DLGAP2: variants seen among roughly 807,000 people sequenced by gnomAD.
DLGAP2 encodes disks large-associated protein 2.
In DLGAP2, 26 loss-of-function variants were observed where a neutral mutation model predicts 100.3. The observed-to-expected ratio is 0.26, with a 90% CI of 0.19 to 0.36. The LOEUF (loss-of-function observed/expected upper bound fraction) is 0.36. Among genes scored for constraint, DLGAP2 ranks in the 10% least tolerant of loss-of-function variants. DLGAP2 has a pLI of 1.00. For missense variants in DLGAP2, 1,858 were observed against 1,453.2 expected, an observed-to-expected ratio of 1.28 and a Z score of -4.53; for synonymous variants, 886 against 630.1, an observed-to-expected ratio of 1.41 and a Z score of -6.08.
intron 2 of DLGAP2, among the ~76,000 whole-genome samples, chr8:1,209,505 C>A (rs1175374721): frequency 6.6e-6 from 1 of 152,162 alleles, no homozygotes; most frequent in Non-Finnish European, 1.5e-5. Flanking sequence ...GTCAATGTTT[C>A]TTGAGTGAAT....
chr8:1,254,130 G>T (rs1024656005), intron 2 of DLGAP2, among the ~76,000 whole-genome samples: 2 of 152,212 alleles, frequency 1.3e-5, no homozygotes, highest in South Asian at 2.1e-4. Flanking sequence ...CAGTGTGCCT[G>T]TGGGCTCAGC....
At chr8:1,585,048 T>A (rs1168306605) in intron 6 of DLGAP2, among the ~76,000 whole-genome samples, 1 of 152,022 alleles carries the variant, frequency 6.6e-6, no homozygotes, top group Non-Finnish European at 1.5e-5. Context: ...TTCTTTTCTG[T>A]TATTTCTATG....
chr8:1,224,893 A>G (rs1355612402), intron 2 of DLGAP2, among the ~76,000 whole-genome samples: 1 of 152,230 alleles, frequency 6.6e-6, no homozygotes, highest in Non-Finnish European at 1.5e-5. Flanking sequence ...CTGCTCCCCC[A>G]CATCTGCTAG....
intron 1 of DLGAP2, among the ~76,000 whole-genome samples, chr8:802,095 G>A (rs1450346505): frequency 2.5e-4 from 34 of 134,508 alleles, no homozygotes; most frequent in East Asian, 5.2e-4. Context: ...TCACGGCCTG[G>A]GGAATGGTCC....
chr8:1,316,107 C>T (rs1344020634), intron 3 of DLGAP2, among the ~76,000 whole-genome samples: 33 of 108,080 alleles, frequency 3.1e-4, no homozygotes, highest in South Asian at 7.1e-4. Context: ...TCGAGACACT[C>T]GGCAGCTTTT....
intron 3 of DLGAP2, among the ~76,000 whole-genome samples, chr8:1,443,255 AC>A (rs1157384904): frequency 1.3e-5 from 2 of 151,596 alleles, no homozygotes; most frequent in African/African-American, 4.9e-5. Flanking sequence ...ATCGCAGGTA[AC>A]ATTTGGATGT....
chr8:1,482,349 A>C (rs1183970590), intron 3 of DLGAP2, among the ~76,000 whole-genome samples: 1 of 152,178 alleles, frequency 6.6e-6, no homozygotes, highest in Non-Finnish European at 1.5e-5. Flanking sequence ...CAGAGTTCTA[A>C]TCTCCACCCT....
chr8:1,052,370 C>G (rs548215893), intron 2 of DLGAP2, among the ~76,000 whole-genome samples: 1 of 152,326 alleles, frequency 6.6e-6, no homozygotes, highest in Non-Finnish European at 1.5e-5. Context: ...TAATCCCTGA[C>G]TCAAAGGCAG....
intron 3 of DLGAP2, among the ~76,000 whole-genome samples, chr8:1,471,547 T>C: frequency 8.5e-6 from 1 of 117,580 alleles, no homozygotes; most frequent in Admixed American, 8.7e-5. Flanking sequence ...AGCCTCCTCC[T>C]AACCTCCTCT....
chr8:1,521,464 C>G lies in DLGAP2; in HGVS notation c.172+20033C>G, dbSNP rs1432166075. On this transcript the variant is annotated intron_variant, in intron 4 of 14. Transcript: ENST00000637795. ...GGGCGGCAGGTGATATGGGGCATCT[C>G]TGGTTTGCACACTTGTTTTAATTTG... Among the ~76,000 whole-genome samples, 78 of 59,102 alleles carry G rather than the reference C, an allele frequency of 1.3e-3. 1 individual carries two copies. The highest frequency in any genetic ancestry group is 4.3e-3 in the African/African-American group (71 of 16,694). 38.8% of individuals were successfully genotyped at this position (59,102 alleles called of 152,430 possible). A position where few individuals can be genotyped will look rare whatever the true frequency, so the allele number is the denominator to read the frequency against.
At chr8:806,274 T>C (rs1796267866) in intron 1 of DLGAP2, among the ~76,000 whole-genome samples, 1 of 152,156 alleles carries the variant, frequency 6.6e-6, no homozygotes. Flanking sequence ...GGCCTCACAG[T>C]TGTCATGGCG....
At chr8:1,364,503 G>GT (rs1554452278) in intron 3 of DLGAP2, among the ~76,000 whole-genome samples, 3 of 51,480 alleles carry the variant, frequency 5.8e-5, no homozygotes, top group African/African-American at 1.8e-4. Flanking sequence ...TGGGAAGGGC[G>GT]GGGGGGGTGC....
chr8:1,362,683 G>A (rs927422972), intron 3 of DLGAP2, among the ~76,000 whole-genome samples: 3 of 152,164 alleles, frequency 2.0e-5, no homozygotes, highest in East Asian at 1.9e-4. Context: ...GCTGAGCCCC[G>A]AAATAACCTA....
Position 798,177 on chromosome 8 carries a change from G to A in DLGAP2, c.18+60352G>A, listed in dbSNP as rs117597426. 3.3e-3 allele frequency among the ~76,000 whole-genome samples: 499 copies of A among 152,356 alleles called. 32 individuals are homozygous for A. In the East Asian group the frequency reaches 0.088, roughly 27 times the overall value. On this transcript the variant is annotated intron_variant, in intron 1 of 14. Coordinates refer to ENST00000637795, the MANE Select transcript of DLGAP2 (RefSeq NM_001346810.2). ...GTTCTCTGTCCTGGCACTCCCCGTG[G>A]TGCTCAGGACCTGCAGCCCTGTGCC...
At chr8:1,084,383 G>A (rs764773935) in intron 2 of DLGAP2, among the ~76,000 whole-genome samples, 1 of 152,120 alleles carries the variant, frequency 6.6e-6, no homozygotes, top group Admixed American at 6.5e-5. Flanking sequence ...AACATTTTTT[G>A]TGATGAGAAC....
intron 3 of DLGAP2, among the ~76,000 whole-genome samples, chr8:1,423,849 C>T (rs1181229990): frequency 1.3e-5 from 2 of 152,178 alleles, no homozygotes; most frequent in South Asian, 2.1e-4. Flanking sequence ...TTTCAAATGA[C>T]ACTTGCACGT....
At chr8:1,480,824 C>G (rs1329107974) in intron 3 of DLGAP2, among the ~76,000 whole-genome samples, 1 of 151,206 alleles carries the variant, frequency 6.6e-6, no homozygotes, top group Non-Finnish European at 1.5e-5. Context: ...TGAGATCACG[C>G]CATTGCACTC....
intron 1 of DLGAP2, among the ~76,000 whole-genome samples, chr8:835,054 C>T (rs755798399): frequency 3.3e-5 from 5 of 151,946 alleles, no homozygotes; most frequent in Non-Finnish European, 7.4e-5. Context: ...CATGTGTGCA[C>T]GTGTTAGTGT....
chr8:1,480,808 G>A (rs993874112), intron 3 of DLGAP2, among the ~76,000 whole-genome samples: 6 of 151,754 alleles, frequency 4.0e-5, no homozygotes, highest in African/African-American at 1.5e-4. Context: ...AGAGGTTGCA[G>A]TGAGCTGAGA....
Sources: gnomAD v4.1 joint callset for allele counts (sites outside exome capture counted in the v4.1 genomes callset) on GRCh38, gnomAD v4.1.1 for gene constraint, MANE v1.5 for transcripts, NCBI Gene and HGNC (gene_info 2026-07-23, HGNC 2026-07-21) for gene names.